The following ACAT2 variants were observed in gnomAD, a reference collection of about 807,000 sequenced individuals.
ACAT2 encodes the protein acetyl-CoA acetyltransferase, cytosolic.
A neutral mutation model predicts 37.1 loss-of-function variants in ACAT2; 26 were observed. The ratio of observed to expected loss-of-function variants is 0.70; its 90% CI spans 0.51 to 0.97. The LOEUF (loss-of-function observed/expected upper bound fraction) is 0.97, where lower values mean the gene tolerates loss of function less well. Among genes scored for constraint, ACAT2 ranks in the 50% least tolerant of loss-of-function variants. The probability of loss-of-function intolerance (pLI) is 0.00; values close to 1 mark genes in which losing one functional copy is unlikely to be tolerated. For synonymous variants in ACAT2, 156 were observed against 163.6 expected, an observed-to-expected ratio of 0.95 and a Z score of 0.35; for missense variants, 468 against 489.0, an observed-to-expected ratio of 0.96 and a Z score of 0.40.
intron 5 of ACAT2, 71 bp downstream of exon 5, chr6:159,775,384 T>C: frequency 6.7e-7 from 1 of 1,497,396 alleles, no homozygotes; most frequent in Non-Finnish European, 9.1e-7. Context: ...GAGTAATACA[T>C]AGGAATCTTT....
chr6:159,778,922 A>G lies in ACAT2; in HGVS notation c.*93A>G. 1 of 1,576,820 alleles carries G rather than the reference A, an allele frequency of 6.3e-7. No individual in the cohort carries two copies. The highest frequency in any genetic ancestry group is 8.6e-7 in the Non-Finnish European group (1 of 1,157,298). On this transcript the variant is annotated 3_prime_UTR_variant, in exon 9 of 9. Coordinates refer to ENST00000367048, the MANE Select transcript of ACAT2 (RefSeq NM_005891.3). Reference sequence around the variant, plus strand: ...AATCAGAGGACCAAAGTACAGATGGAAACCATTTCCTACATCACAAAAACC... The same window carrying G: ...AATCAGAGGACCAAAGTACAGATGGGAACCATTTCCTACATCACAAAAACC...
intron 7 of ACAT2, 73 bp from the exon 8 acceptor site, chr6:159,778,096 TG>T: frequency 1.0e-6 from 1 of 973,054 alleles, no homozygotes; most frequent in African/African-American, 1.6e-5. Context: ...CATATATTTA[TG>T]TTGACAAAGA....
intron 4 of ACAT2, 96 bp downstream of exon 4, chr6:159,768,724 A>G: frequency 1.3e-6 from 1 of 741,514 alleles, no homozygotes; most frequent in Non-Finnish European, 2.3e-6. Context: ...TTATGGCCAG[A>G]GACTGTCTTA....
At chr6:159,763,629 CTTTTTTTTTTTTT>C (rs765044833) in intron 2 of ACAT2, among the ~76,000 whole-genome samples, 15 of 76,378 alleles carry the variant, frequency 2.0e-4, no homozygotes, top group African/African-American at 5.0e-4. Context: ...TTTTCTTTTC[CTTTTTTTTTTTTT>C]TTTTTTTTTT....
At chr6:159,765,378 A>C (rs1260829464) in intron 2 of ACAT2, among the ~76,000 whole-genome samples, 1 of 151,054 alleles carries the variant, frequency 6.6e-6, no homozygotes, top group African/African-American at 2.4e-5. Context: ...GGCCTCCCAA[A>C]GTGCTGGGAT....
chr6:159,766,531 A>G (rs1157424001), intron 2 of ACAT2, among the ~76,000 whole-genome samples: 1 of 151,950 alleles, frequency 6.6e-6, no homozygotes, highest in Non-Finnish European at 1.5e-5. Flanking sequence ...CCTCCCTAGT[A>G]ACTAGGATTA....
chr6:159,771,251 A>C (rs1037816277), intron 4 of ACAT2, among the ~76,000 whole-genome samples: 2 of 151,966 alleles, frequency 1.3e-5, no homozygotes. Context: ...CTGGTGGCGC[A>C]TGCCTGTAAT....
At chr6:159,764,420 C>G (rs1447446999) in intron 2 of ACAT2, among the ~76,000 whole-genome samples, 6 of 151,766 alleles carry the variant, frequency 4.0e-5, no homozygotes, top group Non-Finnish European at 8.8e-5. Flanking sequence ...TTTGAACACT[C>G]GTAATTAATT....
At chr6:159,774,848 T>G (rs1393651768) in intron 4 of ACAT2, among the ~76,000 whole-genome samples, 1 of 152,220 alleles carries the variant, frequency 6.6e-6, no homozygotes, top group South Asian at 2.1e-4. Flanking sequence ...TATCTCCAAC[T>G]TTCTCTCAGA....
At chr6:159,775,426 T>G in intron 5 of ACAT2, 113 bp downstream of exon 5, 1 of 1,255,050 alleles carries the variant, frequency 8.0e-7, no homozygotes, top group South Asian at 1.5e-5. Context: ...TTTTTCAGGT[T>G]GCAAATATAT....
At chr6:159,770,836 G>A (rs767167247) in intron 4 of ACAT2, among the ~76,000 whole-genome samples, 6 of 150,268 alleles carry the variant, frequency 4.0e-5, no homozygotes, top group South Asian at 2.1e-4. Context: ...AGGCCAAGCC[G>A]GGTAGATCAT....
chr6:159,769,995 G>A (rs557883939), intron 4 of ACAT2, among the ~76,000 whole-genome samples: 4 of 152,312 alleles, frequency 2.6e-5, no homozygotes, highest in Admixed American at 6.5e-5. Context: ...CTGGACAAGC[G>A]AGTGGAAACC....
At chr6:159,776,034 T>G (rs1780407734) in intron 5 of ACAT2, 116 bp from the exon 6 acceptor site, 1 of 1,236,988 alleles carries the variant, frequency 8.1e-7, no homozygotes, top group East Asian at 2.4e-5. Context: ...GGTCACATAT[T>G]AAAACTTTTC....
At chr6:159,777,793 G>A (rs1780453150) in intron 7 of ACAT2, among the ~76,000 whole-genome samples, 2 of 152,102 alleles carry the variant, frequency 1.3e-5, no homozygotes, top group Non-Finnish European at 2.9e-5. Flanking sequence ...TGATCCTCTT[G>A]CCTTAGGCTC....
At chr6:159,764,707 G>T (rs574605568) in intron 2 of ACAT2, among the ~76,000 whole-genome samples, 1 of 152,148 alleles carries the variant, frequency 6.6e-6, no homozygotes, top group African/African-American at 2.4e-5. Context: ...CCATGCCCTT[G>T]AACTTCTGAG....
At chr6:159,764,116 A>T (rs984881229) in intron 2 of ACAT2, among the ~76,000 whole-genome samples, 5 of 151,926 alleles carry the variant, frequency 3.3e-5, no homozygotes, top group Non-Finnish European at 7.4e-5. Context: ...AAAGAAGAAG[A>T]AGAAGCAGCA....
At chr6:159,777,884 G>A (rs1562480402) in intron 7 of ACAT2, among the ~76,000 whole-genome samples, 1 of 152,144 alleles carries the variant, frequency 6.6e-6, no homozygotes, top group Non-Finnish European at 1.5e-5. Context: ...TAGGGGAACT[G>A]ATTCTGTTAC....
intron 4 of ACAT2, among the ~76,000 whole-genome samples, chr6:159,773,879 A>G (rs1780376091): frequency 6.6e-6 from 1 of 152,264 alleles, no homozygotes; most frequent in African/African-American, 2.4e-5. Flanking sequence ...TATCTTACCA[A>G]TAGAAGGAAT....
rs779653961 is a variant in ACAT2 at position 159,768,608 on chromosome 6, A to G, written c.470A>G (p.Asn157Ser). Residue 157 changes from asparagine to serine, a missense_variant, in exon 4 of 9, where the codon AAC becomes AGC. Transcript: ENST00000367048. ...GATGGTCTTACAGATGCATTTCACA[A>G]CTGTCATATGGGTATTACAGGTAAG... is the stretch of plus-strand genomic sequence containing the variant. The part of the protein sequence containing the change: ...LCDGLTDAFH[N>S]CHMGITAENV... 3 of 1,610,682 alleles carry G rather than the reference A, an allele frequency of 1.9e-6. No homozygotes were observed. Among genetic ancestry groups the G allele is most frequent in the South Asian group, 2.2e-5 (2 of 91,000 alleles).
Sources: allele counts gnomAD v4.1 joint callset (sites outside exome capture counted in the v4.1 genomes callset), GRCh38; gene constraint gnomAD v4.1.1; transcripts MANE v1.5; gene names NCBI Gene and HGNC (gene_info 2026-07-23, HGNC 2026-07-21).